Variants in DENND2C observed in about 807,000 individuals in gnomAD.
DENND2C encodes the protein DENN domain-containing protein 2C.
In DENND2C, 72 loss-of-function variants were observed where a neutral mutation model predicts 112.4. The ratio of observed to expected loss-of-function variants is 0.64; its 90% CI spans 0.53 to 0.78. The LOEUF (loss-of-function observed/expected upper bound fraction) is 0.78, where lower values mean the gene tolerates loss of function less well. Among genes scored for constraint, DENND2C ranks in the 30% least tolerant of loss-of-function variants. The pLI is 0.00. For missense variants in DENND2C, 992 were observed against 1,113.8 expected, an observed-to-expected ratio of 0.89 and a Z score of 1.56; for synonymous variants, 329 against 381.6, an observed-to-expected ratio of 0.86 and a Z score of 1.61.
At chr1:114,589,454 T>C (rs1161633899) in intron 18 of DENND2C, among the ~76,000 whole-genome samples, 1 of 152,236 alleles carries the variant, frequency 6.6e-6, no homozygotes, top group Non-Finnish European at 1.5e-5. Context: ...TGTTATATTT[T>C]GTCCAACACC....
At chr1:114,589,748 T>C (rs1040734255) in intron 18 of DENND2C, among the ~76,000 whole-genome samples, 15 of 152,198 alleles carry the variant, frequency 9.9e-5, no homozygotes, top group Admixed American at 1.3e-4. Context: ...AATTTCTTTA[T>C]TCTTTCCTTT....
intron 15 of DENND2C, among the ~76,000 whole-genome samples, 189 bp downstream of exon 15, chr1:114,600,015 G>A (rs1173487838): frequency 1.3e-5 from 2 of 152,094 alleles, no homozygotes; most frequent in Non-Finnish European, 2.9e-5. Flanking sequence ...AATACCTAAT[G>A]TAAATGACGA....
chr1:114,625,047 C>T (rs901522519), intron 4 of DENND2C, 132 bp downstream of exon 4: 1 of 826,442 alleles, frequency 1.2e-6, no homozygotes, highest in South Asian at 2.3e-5. Context: ...CCACATTAAT[C>T]AACACCTGCA....
chr1:114,626,995 C>T (rs1032789163), intron 3 of DENND2C, among the ~76,000 whole-genome samples: 7 of 152,172 alleles, frequency 4.6e-5, no homozygotes, highest in African/African-American at 1.7e-4. Flanking sequence ...CAGCCCATCA[C>T]ATAGCCTATT....
chr1:114,595,850 T>C lies in DENND2C; in HGVS notation c.2307A>G (p.Ala769=). ...IEEVLIVDLC[A]DKFLQEVSDE... ...CACTCACCTCCTGTAAGAACTTGTCTGCACAGAGATCAACTATCAGCACCT... is the reference window on the plus strand; with the variant it reads ...CACTCACCTCCTGTAAGAACTTGTCCGCACAGAGATCAACTATCAGCACCT... Residue 769 remains alanine, a synonymous_variant, in exon 17 of 21, where the codon GCA becomes GCG. Coordinates refer to ENST00000393274, the MANE Select transcript of DENND2C (RefSeq NM_001256404.2). 1 of 1,613,968 alleles carries C rather than the reference T, an allele frequency of 6.2e-7. No homozygotes were observed. The highest frequency in any genetic ancestry group is 8.5e-7 in the Non-Finnish European group (1 of 1,179,894).
rs1456537617 is a variant in DENND2C at position 114,647,239 on chromosome 1, AAT to A, written c.-316-1682_-316-1681del. Among the ~76,000 whole-genome samples the A allele has an allele frequency of 2.0e-5, 3 of 151,832 alleles. No individual in the cohort carries two copies. In the East Asian group the frequency reaches 5.8e-4, roughly 29 times the overall value. On this transcript the variant is annotated intron_variant, in intron 2 of 20. Coordinates refer to ENST00000393274, the MANE Select transcript of DENND2C (RefSeq NM_001256404.2). ...TAACCAGGTGGCCAAAAGTTGTATG[AAT>A]ATATAATGTAAACAACCCTTTCCTT...
chr1:114,647,266 T>C (rs1657019376), intron 2 of DENND2C, among the ~76,000 whole-genome samples: 1 of 152,182 alleles, frequency 6.6e-6, no homozygotes, highest in African/African-American at 2.4e-5. Flanking sequence ...ACCCTTTCCT[T>C]TGTTTACTCA....
chr1:114,601,609 C>A (rs200265423), intron 12 of DENND2C, 24 bp from the exon 13 acceptor site: 244 of 1,584,606 alleles, frequency 1.5e-4, no homozygotes, highest in African/African-American at 6.2e-4. Flanking sequence ...ACAACAACAA[C>A]AAAAAAATCA....
chr1:114,659,519 A>T (rs528641270), intron 1 of DENND2C, among the ~76,000 whole-genome samples: 3 of 152,220 alleles, frequency 2.0e-5, no homozygotes, highest in South Asian at 4.1e-4. Flanking sequence ...ACAAAACAAA[A>T]CAAAAAAAGT....
At chr1:114,602,459 C>T (rs750127079) in intron 11 of DENND2C, among the ~76,000 whole-genome samples, 2 of 152,176 alleles carry the variant, frequency 1.3e-5, no homozygotes, top group Non-Finnish European at 2.9e-5. Context: ...GAATATCTTG[C>T]CTTGTACTGG....
At chr1:114,608,990 T>C in intron 9 of DENND2C, 117 bp from the exon 10 acceptor site, 1 of 1,136,382 alleles carries the variant, frequency 8.8e-7, no homozygotes. Context: ...GAATGAATGT[T>C]GAATAACCAG....
intron 2 of DENND2C, among the ~76,000 whole-genome samples, chr1:114,650,382 T>C (rs1285978736): frequency 6.6e-6 from 1 of 151,308 alleles, no homozygotes; most frequent in Non-Finnish European, 1.5e-5. Context: ...TTTCAGACTA[T>C]GGCTGGGTGC....
intron 3 of DENND2C, among the ~76,000 whole-genome samples, chr1:114,633,565 T>C (rs1025921688): frequency 1.3e-5 from 2 of 151,172 alleles, no homozygotes; most frequent in East Asian, 1.9e-4. Flanking sequence ...TTGAAAGTGA[T>C]GTGTTAAAGT....
chr1:114,623,172 AAG>A, intron 5 of DENND2C, 73 bp from the exon 6 acceptor site: 1 of 1,382,490 alleles, frequency 7.2e-7, no homozygotes, highest in South Asian at 1.3e-5. Flanking sequence ...TGGCAAAAGA[AAG>A]AAAAAGCTAA....
chr1:114,665,773 A>G (rs1482689862), intron 1 of DENND2C, among the ~76,000 whole-genome samples: 1 of 152,214 alleles, frequency 6.6e-6, no homozygotes, highest in Non-Finnish European at 1.5e-5. Context: ...GTTGGACAAA[A>G]TTAGCATAGA....
chr1:114,646,872 T>C (rs1432820108), intron 2 of DENND2C, among the ~76,000 whole-genome samples: 17 of 152,000 alleles, frequency 1.1e-4, no homozygotes, highest in Admixed American at 1.1e-3. Flanking sequence ...AAACAGAGAA[T>C]ATTTAGGGCA....
At chr1:114,592,031 C>T (rs139517651) in intron 18 of DENND2C, among the ~76,000 whole-genome samples, 1,843 of 152,058 alleles carry the variant, frequency 0.012, 48 homozygotes, top group African/African-American at 0.042. Context: ...ATTACAGGCG[C>T]GTACCACCAC....
intron 18 of DENND2C, among the ~76,000 whole-genome samples, chr1:114,591,148 T>C (rs1655178095): frequency 6.6e-6 from 1 of 152,118 alleles, no homozygotes; most frequent in Admixed American, 6.6e-5. Context: ...TAATTTTGTT[T>C]GTAGAAACTG....
rs548191472 is a variant in DENND2C, at chr1:114,586,183, A to T, written c.2756-552T>A. ...CTGTTCTCTTGTATCATACTAATTA[A>T]CTATTACTGAAAAATCATAAATGTG... is the stretch of plus-strand genomic sequence containing the variant. On this transcript the variant is annotated intron_variant, in intron 20 of 20. Coordinates refer to ENST00000393274, the MANE Select transcript of DENND2C (RefSeq NM_001256404.2). Among the ~76,000 whole-genome samples the T allele has an allele frequency of 9.1e-4, 138 of 152,336 alleles. 2 individuals are homozygous for T. In the Middle Eastern group the frequency reaches 0.01, roughly 11 times the overall value.
Sources: allele counts gnomAD v4.1 joint callset (sites outside exome capture counted in the v4.1 genomes callset), GRCh38; gene constraint gnomAD v4.1.1; transcripts MANE v1.5; gene names NCBI Gene and HGNC (gene_info 2026-07-23, HGNC 2026-07-21).